Variants in CSMD1 observed in about 807,000 individuals in gnomAD.
The protein encoded by CSMD1 is CUB and sushi domain-containing protein 1.
Under a neutral mutation model 417.5 loss-of-function variants are expected in CSMD1, and 213 were observed. The ratio of observed to expected loss-of-function variants is 0.51; its 90% CI spans 0.46 to 0.57. The LOEUF (loss-of-function observed/expected upper bound fraction) is 0.57, where lower values mean the gene tolerates loss of function less well. Among genes scored for constraint, CSMD1 ranks in the 20% least tolerant of loss-of-function variants. CSMD1 has a pLI of 0.00. For missense variants in CSMD1, 6,923 were observed against 4,529.7 expected, an observed-to-expected ratio of 1.53 and a Z score of -15.17; for synonymous variants, 2,862 against 1,736.8, an observed-to-expected ratio of 1.65 and a Z score of -16.11.
At chr8:4,619,691 C>G (rs2616973) in intron 2 of CSMD1, among the ~76,000 whole-genome samples, 87,754 of 151,978 alleles carry the variant, frequency 0.58, 26,176 homozygotes, top group African/African-American at 0.74. Context: ...CTAAAAAAGA[C>G]TTTTGAAGCT....
intron 54 of CSMD1, among the ~76,000 whole-genome samples, chr8:2,995,031 T>C (rs1264691874): frequency 6.6e-6 from 1 of 152,120 alleles, no homozygotes; most frequent in Non-Finnish European, 1.5e-5. Flanking sequence ...ATCAATACCA[T>C]GACCCAGAAA....
chr8:4,458,706 ATTTCT>A (rs927290383), intron 2 of CSMD1, among the ~76,000 whole-genome samples: 4 of 152,188 alleles, frequency 2.6e-5, no homozygotes, highest in Non-Finnish European at 5.9e-5. Flanking sequence ...TAATTAGATT[ATTTCT>A]TTATTAGTGG....
At chr8:4,496,567 C>T (rs914308868) in intron 2 of CSMD1, among the ~76,000 whole-genome samples, 2 of 152,168 alleles carry the variant, frequency 1.3e-5, no homozygotes, top group African/African-American at 4.8e-5. Context: ...CGCCTCGCCT[C>T]CTGCCTTCTC....
chr8:4,364,050 G>C (rs1457366860), intron 3 of CSMD1, among the ~76,000 whole-genome samples: 1 of 152,130 alleles, frequency 6.6e-6, no homozygotes, highest in East Asian at 1.9e-4. Context: ...GACTATAATT[G>C]AATTGTCTGT....
chr8:4,101,262 G>A (rs151178651), intron 3 of CSMD1, among the ~76,000 whole-genome samples: 1 of 152,100 alleles, frequency 6.6e-6, no homozygotes, highest in Non-Finnish European at 1.5e-5. Flanking sequence ...TTAACTCATT[G>A]CAACACTTTG....
chr8:4,286,137 T>C (rs1797044211), intron 3 of CSMD1, among the ~76,000 whole-genome samples: 1 of 152,028 alleles, frequency 6.6e-6, no homozygotes, highest in Admixed American at 6.6e-5. Flanking sequence ...CACATAACGT[T>C]TTTACGTTCT....
At position 4,458,217 on chromosome 8, in the gene CSMD1, G is replaced by C. The variant is rs12675730; in HGVS notation, c.303-38152C>G. Among the ~76,000 whole-genome samples, 12 of 152,188 alleles carry C rather than the reference G, an allele frequency of 7.9e-5. No homozygotes were observed. In the East Asian group the frequency reaches 1.7e-3, roughly 22 times the overall value. On this transcript the variant is annotated intron_variant, in intron 2 of 69. Transcript: ENST00000635120. ...ACTAATCACCTTGTAAAGAAATATGGAACTTATAATGATCGGTCACACTTA... is the reference window on the plus strand; with the variant it reads ...ACTAATCACCTTGTAAAGAAATATGCAACTTATAATGATCGGTCACACTTA...
intron 3 of CSMD1, among the ~76,000 whole-genome samples, chr8:4,344,860 T>G (rs767366604): frequency 6.6e-6 from 1 of 152,116 alleles, no homozygotes; most frequent in Non-Finnish European, 1.5e-5. Flanking sequence ...TTAAAAATAT[T>G]TACCTAGCGA....
chr8:4,746,509 G>T (rs1342845823), intron 1 of CSMD1, among the ~76,000 whole-genome samples: 1 of 152,218 alleles, frequency 6.6e-6, no homozygotes, highest in African/African-American at 2.4e-5. Context: ...GGTGATGAGA[G>T]CAATTAAAAG....
rs73659184 is a variant in CSMD1 at position 4,642,880 on chromosome 8, G to T, written c.86-5322C>A. On this transcript the variant is annotated intron_variant, in intron 1 of 69. Coordinates refer to ENST00000635120, the MANE Select transcript of CSMD1 (RefSeq NM_033225.6). ...GGGTTTAGGGACTTAGAAAGATGTGGACTATACTGTTCTGTATGTGGAGAC... is the reference window on the plus strand; with the variant it reads ...GGGTTTAGGGACTTAGAAAGATGTGTACTATACTGTTCTGTATGTGGAGAC... 1.3e-3 allele frequency among the ~76,000 whole-genome samples: 203 copies of T among 152,296 alleles called. 1 individual carries two copies. Among genetic ancestry groups the T allele is most frequent in the African/African-American group, 4.5e-3 (185 of 41,564 alleles).
intron 1 of CSMD1, among the ~76,000 whole-genome samples, chr8:4,782,185 G>C (rs548934721): frequency 1.3e-5 from 2 of 152,132 alleles, no homozygotes; most frequent in Non-Finnish European, 2.9e-5. Context: ...GAGTTCTGCT[G>C]TTCTATTGCA....
rs1157688245 is a variant in CSMD1, at chr8:4,242,708, G to GC, written c.415+177244dup. On this transcript the variant is annotated intron_variant, in intron 3 of 69. Coordinates refer to ENST00000635120, the MANE Select transcript of CSMD1 (RefSeq NM_033225.6). ...CAGGGCTCACTCTGCTGTGAGTGGA[G>GC]CCCACTCTGCCCAGTTGAGTGGCTC... Among the ~76,000 whole-genome samples the GC allele has an allele frequency of 2.6e-5, 3 of 115,860 alleles. No homozygotes were observed. The East Asian group carries it at 7.4e-4, about 29-fold the overall frequency. The allele number at this position is 115,860 out of a possible 152,430, so 76.0% of individuals were successfully genotyped here. A position where few individuals can be genotyped will look rare whatever the true frequency, so the allele number is the denominator to read the frequency against.
intron 15 of CSMD1, among the ~76,000 whole-genome samples, chr8:3,403,342 G>A (rs949731632): frequency 1.3e-5 from 2 of 152,000 alleles, no homozygotes; most frequent in African/African-American, 2.4e-5. Flanking sequence ...TCTGAAAGTT[G>A]GCTTTCTATT....
rs552735201 is a variant in CSMD1 at position 4,696,605 on chromosome 8, A to G, written c.86-59047T>C. Among the ~76,000 whole-genome samples, 8 of 152,278 alleles carry G rather than the reference A, an allele frequency of 5.3e-5. No individual in the cohort carries two copies. In the South Asian group the frequency reaches 1.7e-3, roughly 32 times the overall value. ...AGTTAATTTCCCCCGTATTACCCAG[A>G]TTTATTATCCAAACAACGTATTTCA... On this transcript the variant is annotated intron_variant, in intron 1 of 69. Transcript: ENST00000635120.
intron 4 of CSMD1, among the ~76,000 whole-genome samples, chr8:4,016,074 T>C (rs1796509159): frequency 6.6e-6 from 1 of 152,154 alleles, no homozygotes; most frequent in Admixed American, 6.5e-5. Flanking sequence ...ATCTGGAAAA[T>C]CTACCCATTA....
chr8:3,838,202 T>C (rs1457647955), intron 5 of CSMD1, among the ~76,000 whole-genome samples: 1 of 151,982 alleles, frequency 6.6e-6, no homozygotes, highest in Non-Finnish European at 1.5e-5. Context: ...TTCCTATGGA[T>C]AGATAACTAT....
chr8:4,372,631 TA>T (rs10606022), intron 3 of CSMD1, among the ~76,000 whole-genome samples: 7,355 of 145,356 alleles, frequency 0.051, 217 homozygotes, highest in African/African-American at 0.095. Context: ...AAGGAAGTGT[TA>T]AAAAAAAAAA....
chr8:3,087,575 G>A (rs1380442769), intron 48 of CSMD1, among the ~76,000 whole-genome samples: 1 of 152,146 alleles, frequency 6.6e-6, no homozygotes, highest in Non-Finnish European at 1.5e-5. Context: ...GCTTCCCTGG[G>A]ACACACTGGA....
At chr8:3,445,665 C>A (rs553298639) in intron 12 of CSMD1, among the ~76,000 whole-genome samples, 3 of 151,948 alleles carry the variant, frequency 2.0e-5, no homozygotes, top group African/African-American at 7.3e-5. Context: ...GGTAGAAATA[C>A]GTCGGAACTA....
Sources: gnomAD v4.1 joint callset for allele counts (sites outside exome capture counted in the v4.1 genomes callset) on GRCh38, gnomAD v4.1.1 for gene constraint, MANE v1.5 for transcripts, NCBI Gene and HGNC (gene_info 2026-07-23, HGNC 2026-07-21) for gene names.